GOLGA4: variants seen among roughly 807,000 people sequenced by gnomAD.
The protein encoded by GOLGA4 is golgin A4.
A neutral mutation model predicts 265.9 loss-of-function variants in GOLGA4; 169 were observed. The observed-to-expected ratio is 0.64, with a 90% confidence interval of 0.56 to 0.72. The LOEUF (loss-of-function observed/expected upper bound fraction) is 0.72, where lower values mean the gene tolerates loss of function less well. Among genes scored for constraint, GOLGA4 ranks in the 30% least tolerant of loss-of-function variants. The probability of loss-of-function intolerance (pLI) is 0.00; values close to 1 mark genes in which losing one functional copy is unlikely to be tolerated. For missense variants in GOLGA4, 2,482 were observed against 2,483.4 expected, an observed-to-expected ratio of 1.00 and a Z score of 0.01; for synonymous variants, 923 against 855.8, an observed-to-expected ratio of 1.08 and a Z score of -1.37.
chr3:37,294,887 G>A, intron 5 of GOLGA4, 92 bp from the exon 6 acceptor site: 1 of 693,084 alleles, frequency 1.4e-6, no homozygotes, highest in Non-Finnish European at 2.5e-6. Flanking sequence ...TAAGGGGAAT[G>A]CAAATCTGTA....
Position 37,361,269 on chromosome 3 carries a change from C to T in GOLGA4, c.6690C>T (p.Phe2230=), listed in dbSNP as rs1382953957. Residue 2230 remains phenylalanine (F), a synonymous_variant, in exon 23 of 24, where the codon TTC becomes TTT. Coordinates refer to ENST00000361924, the MANE Select transcript of GOLGA4 (RefSeq NM_002078.5). ...TTACTTCACCTCGCAGTGGTATCTT[C>T]TGAGTAAACCATCAGTCTGTGCTTA... ...LMFTSPRSGI[F] is the part of the protein sequence containing the mutation. 1.9e-6 allele frequency: 3 copies of T among 1,612,950 alleles called. No homozygotes were observed. The East Asian group carries it at 6.7e-5, about 36-fold the overall frequency.
chr3:37,339,540 C>A (rs2097025952), intron 19 of GOLGA4, among the ~76,000 whole-genome samples: 1 of 152,204 alleles, frequency 6.6e-6, no homozygotes, highest in Admixed American at 6.5e-5. Flanking sequence ...TCCAGTGTCT[C>A]CATATCCTCA....
rs1357194370 is a variant in GOLGA4 at position 37,324,226 on chromosome 3, A to G, written c.2340A>G (p.Glu780=). The G allele has an allele frequency of 1.9e-6, 3 of 1,614,172 alleles. No individual in the cohort carries two copies. In the Admixed American group the frequency reaches 5.0e-5, roughly 27 times the overall value. The change falls in exon 14 of 24, where the codon GAA becomes GAG. Residue 780 remains glutamate, a synonymous_variant. Coordinates refer to ENST00000361924, the MANE Select transcript of GOLGA4 (RefSeq NM_002078.5). ...TGAAAGAGCATCAGGCTCATGTAGA[A>G]AATTTAGAGGCAGATATTAAAAGGT... is the stretch of plus-strand genomic sequence containing the variant. The part of the protein sequence containing the change: ...KHLKEHQAHV[E]NLEADIKRSE...
chr3:37,282,071 T>G lies in GOLGA4; in HGVS notation c.276T>G (p.Ser92=). 1 of 1,614,164 alleles carries G rather than the reference T, an allele frequency of 6.2e-7. No homozygotes were observed. Among genetic ancestry groups the G allele is most frequent in the Non-Finnish European group, 8.5e-7 (1 of 1,179,998 alleles). Reference sequence around the variant, plus strand: ...TATTCCGGTCTTCTTCTAAAGAGTCTTTGGTACGAACATCTTCCAGAGAAT... The same window carrying G: ...TATTCCGGTCTTCTTCTAAAGAGTCGTTGGTACGAACATCTTCCAGAGAAT... ...ESLFRSSSKE[S]LVRTSSRESL... is the part of the protein sequence containing the mutation. The change falls in exon 3 of 24, where the codon TCT becomes TCG. Residue 92 remains serine, a synonymous_variant. Coordinates refer to ENST00000361924, the MANE Select transcript of GOLGA4 (RefSeq NM_002078.5).
chr3:37,299,244 G>T, intron 8 of GOLGA4, 44 bp from the exon 9 acceptor site: 1 of 1,244,130 alleles, frequency 8.0e-7, no homozygotes. Flanking sequence ...CAAATGAGAA[G>T]AAGCTTTATT....
intron 2 of GOLGA4, among the ~76,000 whole-genome samples, chr3:37,255,784 A>G (rs1262342245): frequency 1.3e-5 from 2 of 150,402 alleles, no homozygotes; most frequent in Non-Finnish European, 3.0e-5. Flanking sequence ...ACAGGGTCTC[A>G]CTCTGTTGCC....
chr3:37,283,643 G>T (rs2150777023), intron 3 of GOLGA4, among the ~76,000 whole-genome samples: 2 of 152,090 alleles, frequency 1.3e-5, no homozygotes, highest in Admixed American at 1.3e-4. Context: ...CTCAGCCCCA[G>T]CTCCCTCAAG....
At chr3:37,291,601 G>A (rs1417425557) in intron 5 of GOLGA4, among the ~76,000 whole-genome samples, 1 of 152,198 alleles carries the variant, frequency 6.6e-6, no homozygotes, top group South Asian at 2.1e-4. Context: ...TGAAAAGCAT[G>A]CCTTGTCATG....
chr3:37,287,363 A>G (rs942633964), intron 4 of GOLGA4, among the ~76,000 whole-genome samples: 2 of 152,216 alleles, frequency 1.3e-5, no homozygotes, highest in African/African-American at 2.4e-5. Context: ...ATAAAATTCA[A>G]TGCTTTGCTC....
intron 1 of GOLGA4, among the ~76,000 whole-genome samples, chr3:37,246,793 A>G (rs1014670217): frequency 6.6e-6 from 1 of 152,204 alleles, no homozygotes; most frequent in African/African-American, 2.4e-5. Flanking sequence ...TTAAAAAATC[A>G]ACATATACGC....
rs113296692 is a variant in GOLGA4, at chr3:37,286,493, G to T, written c.525+432G>T. On this transcript the variant is annotated intron_variant, in intron 4 of 23. Coordinates refer to ENST00000361924, the MANE Select transcript of GOLGA4 (RefSeq NM_002078.5). ...CTAAGCCTTCCTTTTAAATAATTCT[G>T]CATATGAACAAAATATTAAGCTTGT... 4.6e-3 allele frequency among the ~76,000 whole-genome samples: 700 copies of T among 152,244 alleles called. 5 individuals carry two copies. The highest frequency in any genetic ancestry group is 6.4e-3 in the Non-Finnish European group (432 of 68,010).
intron 5 of GOLGA4, among the ~76,000 whole-genome samples, chr3:37,290,836 T>A (rs530704358): frequency 6.6e-6 from 1 of 152,294 alleles, no homozygotes; most frequent in South Asian, 2.1e-4. Flanking sequence ...TCCTCTTTTG[T>A]TTCTCCTGCC....
intron 2 of GOLGA4, among the ~76,000 whole-genome samples, chr3:37,263,007 C>CCACT (rs1277920026): frequency 6.6e-6 from 1 of 152,226 alleles, no homozygotes. Flanking sequence ...CCTTCACTCA[C>CCACT]CACTCACTCA....
intron 2 of GOLGA4, among the ~76,000 whole-genome samples, chr3:37,280,085 T>C (rs981937794): frequency 2.6e-5 from 4 of 152,074 alleles, no homozygotes; most frequent in African/African-American, 9.7e-5. Context: ...AAGCTTACCA[T>C]TGTTTGTTGT....
At chr3:37,337,186 T>C (rs780012600) in intron 18 of GOLGA4, 23 bp downstream of exon 18, 4 of 1,202,208 alleles carry the variant, frequency 3.3e-6, no homozygotes, top group African/African-American at 3.1e-5. Flanking sequence ...CTTCTTTTTT[T>C]TTTTTTCTTT....
rs780414768 is a variant in GOLGA4 at position 37,326,021 on chromosome 3, T to C, written c.4135T>C (p.Leu1379=). 6.2e-7 allele frequency: 1 copy of C among 1,613,438 alleles called. No homozygotes were observed. The highest frequency in any genetic ancestry group is 1.3e-5 in the African/African-American group (1 of 74,898). ...ISSLSKQLTD[L]NVQLQNSISL... The stretch of plus-strand genomic sequence containing the variant: ...CAGTCTTAGTAAACAACTAACTGAT[T>C]TGAATGTTCAGCTTCAAAATAGCAT... The change falls in exon 14 of 24, where the codon TTG becomes CTG. Residue 1379 remains leucine, a synonymous_variant. Transcript: ENST00000361924.
intron 5 of GOLGA4, among the ~76,000 whole-genome samples, chr3:37,291,722 C>T (rs906878124): frequency 6.6e-6 from 1 of 152,120 alleles, no homozygotes; most frequent in African/African-American, 2.4e-5. Flanking sequence ...TTTTTAGGAG[C>T]TGGTGAAATG....
At chr3:37,329,804 A>G (rs900852067) in intron 16 of GOLGA4, among the ~76,000 whole-genome samples, 1 of 152,176 alleles carries the variant, frequency 6.6e-6, no homozygotes, top group Non-Finnish European at 1.5e-5. Context: ...CAAATGTAAT[A>G]CAATATAAAT....
intron 2 of GOLGA4, among the ~76,000 whole-genome samples, chr3:37,258,295 C>CAT (rs368360417): frequency 8.9e-5 from 13 of 146,326 alleles, no homozygotes; most frequent in South Asian, 2.2e-4. Context: ...ATATATAGAG[C>CAT]ATATATATAT....
Sources: gnomAD v4.1 joint callset for allele counts (sites outside exome capture counted in the v4.1 genomes callset) on GRCh38, gnomAD v4.1.1 for gene constraint, MANE v1.5 for transcripts, NCBI Gene and HGNC (gene_info 2026-07-23, HGNC 2026-07-21) for gene names.